The following GRIP1 variants were observed in gnomAD, a reference collection of about 807,000 sequenced individuals.
The protein encoded by GRIP1 is glutamate receptor-interacting protein 1.
A neutral mutation model predicts 129.9 loss-of-function variants in GRIP1; 45 were observed. That is an observed-to-expected ratio of 0.35 (90% CI 0.27 to 0.44). GRIP1 has a LOEUF of 0.44. GRIP1 is among the 20% of genes least tolerant of loss of function. The pLI, the probability that GRIP1 is intolerant of heterozygous loss-of-function variation, is 1.00. For synonymous variants in GRIP1, 530 were observed against 520.8 expected (o/e 1.02, Z -0.24); for missense variants, 1,196 against 1,396.8 (o/e 0.86, Z 2.29).
chr12:66,948,903 A>G (rs978461724), intron 1 of GRIP1, among the ~76,000 whole-genome samples: 2 of 152,184 alleles, frequency 1.3e-5, no homozygotes, highest in African/African-American at 4.8e-5. Context: ...GTTTTATTTT[A>G]CGCCTACTTT....
chr12:66,929,800 A>G (rs1315516820), intron 1 of GRIP1, among the ~76,000 whole-genome samples: 5 of 152,130 alleles, frequency 3.3e-5, no homozygotes, highest in Non-Finnish European at 7.3e-5. Context: ...ACATAGGTGG[A>G]CCTTTGAGCT....
chr12:66,542,796 T>C, intron 2 of GRIP1, among the ~76,000 whole-genome samples: 1 of 152,208 alleles, frequency 6.6e-6, no homozygotes, highest in Non-Finnish European at 1.5e-5. Context: ...TGTGATGTTA[T>C]TCCCCTATCT....
At chr12:66,876,413 T>G (rs1472375423) in intron 1 of GRIP1, among the ~76,000 whole-genome samples, 1 of 152,040 alleles carries the variant, frequency 6.6e-6, no homozygotes, top group Admixed American at 6.6e-5. Flanking sequence ...GTGGAGAAAC[T>G]GAGGCTAAGA....
At chr12:66,589,821 G>A (rs2063787158) in intron 2 of GRIP1, among the ~76,000 whole-genome samples, 1 of 152,048 alleles carries the variant, frequency 6.6e-6, no homozygotes, top group South Asian at 2.1e-4. Context: ...AAGGTCAATA[G>A]ATAAGAAAAG....
chr12:66,880,539 G>A (rs926053328), intron 1 of GRIP1, among the ~76,000 whole-genome samples: 3 of 152,102 alleles, frequency 2.0e-5, no homozygotes, highest in Non-Finnish European at 4.4e-5. Context: ...ACCAGAGGAT[G>A]AAGACAGAGT....
At chr12:67,063,825 G>A (rs2043576252) in intron 1 of GRIP1, among the ~76,000 whole-genome samples, 1 of 152,160 alleles carries the variant, frequency 6.6e-6, no homozygotes. Context: ...AGTATTAACT[G>A]AAGCCTCTTT....
intron 9 of GRIP1, among the ~76,000 whole-genome samples, chr12:66,460,219 A>G (rs779513908): frequency 1.3e-5 from 2 of 152,236 alleles, no homozygotes; most frequent in Non-Finnish European, 2.9e-5. Context: ...GGGTATGTCT[A>G]AGTCCCTTGT....
chr12:66,977,529 C>A (rs1305359281), intron 1 of GRIP1, among the ~76,000 whole-genome samples: 1 of 152,094 alleles, frequency 6.6e-6, no homozygotes, highest in East Asian at 1.9e-4. Context: ...TGGCACACTA[C>A]CAGAAGCTGG....
intron 1 of GRIP1, among the ~76,000 whole-genome samples, chr12:66,732,608 TAATGA>T (rs1416165997): frequency 2.0e-5 from 3 of 152,144 alleles, no homozygotes; most frequent in African/African-American, 4.8e-5. Context: ...CTCTTCCACT[TAATGA>T]AAAGGAAATA....
chr12:67,056,765 G>A (rs2043443522), intron 1 of GRIP1, among the ~76,000 whole-genome samples: 1 of 152,224 alleles, frequency 6.6e-6, no homozygotes, highest in East Asian at 1.9e-4. Flanking sequence ...ATATGCCACT[G>A]AATAATCTTC....
chr12:66,788,528 G>A (rs2038430111), intron 1 of GRIP1, among the ~76,000 whole-genome samples: 1 of 151,644 alleles, frequency 6.6e-6, no homozygotes, highest in African/African-American at 2.4e-5. Context: ...CTACAGTGAT[G>A]AGATGTCACT....
chr12:66,561,543 T>G (rs965940207), intron 2 of GRIP1, among the ~76,000 whole-genome samples: 2 of 152,098 alleles, frequency 1.3e-5, no homozygotes, highest in African/African-American at 4.8e-5. Flanking sequence ...TGGTTAGTTA[T>G]GATTATTTAG....
intron 17 of GRIP1, 108 bp downstream of exon 17, chr12:66,394,100 T>C: frequency 8.7e-7 from 1 of 1,143,312 alleles, no homozygotes; most frequent in Non-Finnish European, 1.3e-6. Context: ...GTGCAGATTT[T>C]TAAAAGCCAA....
chr12:66,799,919 CA>C (rs1185506442), intron 1 of GRIP1, among the ~76,000 whole-genome samples: 3 of 152,098 alleles, frequency 2.0e-5, no homozygotes, highest in Non-Finnish European at 2.9e-5. Context: ...AAGAACAATG[CA>C]TCGTGTTTTT....
Position 66,463,081 on chromosome 12 carries a change from C to G in GRIP1, c.885G>C (p.Leu295Phe). 6.2e-7 allele frequency: 1 copy of G among 1,613,844 alleles called. No individual in the cohort carries two copies. Among genetic ancestry groups the G allele is most frequent in the African/African-American group, 1.3e-5 (1 of 75,022 alleles). ...TGGAGAGGATGTGATCTCCCACATG[C>G]AATGCGCCACATCTACGGAAAGGAG... is the stretch of plus-strand genomic sequence containing the variant. ...SASIADRCGA[L>F]HVGDHILSID... The change falls in exon 9 of 25, where the codon TTG becomes TTC. Residue 295 changes from leucine (L) to phenylalanine (F), a missense_variant. Leu to Phe is a conservative substitution (Grantham distance 22). Transcript: ENST00000359742.
At chr12:66,636,751 G>C (rs137917783) in intron 1 of GRIP1, among the ~76,000 whole-genome samples, 8 of 135,866 alleles carry the variant, frequency 5.9e-5, no homozygotes, top group Non-Finnish European at 1.3e-4. Flanking sequence ...GTGTGTGTGT[G>C]TGTCTCACTC....
chr12:66,615,679 G>A (rs1008969894), intron 1 of GRIP1, among the ~76,000 whole-genome samples: 2 of 152,092 alleles, frequency 1.3e-5, no homozygotes, highest in African/African-American at 2.4e-5. Context: ...TTTCACTCTT[G>A]TCACCCACAC....
At chr12:66,517,557 G>A (rs529318557) in intron 6 of GRIP1, among the ~76,000 whole-genome samples, 8 of 152,214 alleles carry the variant, frequency 5.3e-5, no homozygotes, top group East Asian at 1.9e-4. Flanking sequence ...GCTGAGTTCT[G>A]TAAGTACCTC....
chr12:66,931,850 T>C (rs1391074323), intron 1 of GRIP1, among the ~76,000 whole-genome samples: 1 of 152,206 alleles, frequency 6.6e-6, no homozygotes, highest in Non-Finnish European at 1.5e-5. Flanking sequence ...ACCTCTCTTT[T>C]TAATATTTTG....
Sources: allele counts gnomAD v4.1 joint callset (sites outside exome capture counted in the v4.1 genomes callset), GRCh38; gene constraint gnomAD v4.1.1; transcripts MANE v1.5; gene names NCBI Gene and HGNC (gene_info 2026-07-23, HGNC 2026-07-21).